SMARCC1: variants seen among roughly 807,000 people sequenced by gnomAD.
The protein encoded by SMARCC1 is SWI/SNF related BAF chromatin remodeling complex subunit C1.
SMARCC1 carries 43 observed loss-of-function variants against 147.4 expected under a neutral mutation model. The ratio of observed to expected loss-of-function variants is 0.29; its 90% CI spans 0.23 to 0.38. The LOEUF (loss-of-function observed/expected upper bound fraction) is 0.38, where lower values mean the gene tolerates loss of function less well. Ranked by LOEUF, SMARCC1 falls within the 10% of genes least tolerant of loss-of-function variation. SMARCC1 has a pLI of 1.00. For synonymous variants in SMARCC1, 495 were observed against 484.4 expected (o/e 1.02, Z -0.29); for missense variants, 1,119 against 1,381.1 (o/e 0.81, Z 3.01).
rs747601090 is a variant in SMARCC1, at chr3:47,610,241, C to T, written c.2868G>A (p.Gln956=). 1 of 1,614,086 alleles carries T rather than the reference C, an allele frequency of 6.2e-7. No individual in the cohort carries two copies. Among genetic ancestry groups the T allele is most frequent in the Non-Finnish European group, 8.5e-7 (1 of 1,180,050 alleles). Residue 956 remains glutamine (Q), a synonymous_variant, in exon 26 of 28, where the codon CAG becomes CAA. Transcript: ENST00000254480. ...QLKYAELRAR[Q]QMEQQQHGQN... is the part of the protein sequence containing the mutation. The stretch of plus-strand genomic sequence containing the variant: ...GGCCATGCTGCTGCTGTTCCATTTG[C>T]TGTCGTGCTCGTAATTCAGCATACT...
At chr3:47,751,846 G>C (rs1188187143) in intron 2 of SMARCC1, among the ~76,000 whole-genome samples, 1 of 152,098 alleles carries the variant, frequency 6.6e-6, no homozygotes, top group East Asian at 1.9e-4. Context: ...CACTTTGGGA[G>C]GCAGAGGAGG....
intron 5 of SMARCC1, among the ~76,000 whole-genome samples, chr3:47,730,781 C>T (rs1409984401): frequency 1.3e-5 from 2 of 151,602 alleles, no homozygotes; most frequent in Non-Finnish European, 2.9e-5. Flanking sequence ...CAGGAGAATC[C>T]CTTGAACCCC....
intron 21 of SMARCC1, among the ~76,000 whole-genome samples, chr3:47,641,896 TGA>T (rs1359129403): frequency 1.3e-5 from 2 of 152,108 alleles, no homozygotes; most frequent in African/African-American, 4.8e-5. Context: ...CTCAGCCTCT[TGA>T]GTAGCTGGGA....
intron 2 of SMARCC1, chr3:47,746,224 G>T: frequency 5.6e-6 from 2 of 357,158 alleles, no homozygotes; most frequent in South Asian, 5.7e-5. Flanking sequence ...TGAAACAGGA[G>T]GATCACTTAA....
chr3:47,598,674 A>T (rs1348060951), intron 26 of SMARCC1, among the ~76,000 whole-genome samples: 4 of 151,978 alleles, frequency 2.6e-5, no homozygotes, highest in African/African-American at 9.7e-5. Context: ...TACTAAAAAT[A>T]TAAAAATCAG....
At chr3:47,663,910 C>A in intron 19 of SMARCC1, 1 of 1,466,942 alleles carries the variant, frequency 6.8e-7, no homozygotes, top group Non-Finnish European at 9.5e-7. Flanking sequence ...GTCTAGCTGT[C>A]ACCGCTATGA....
intron 3 of SMARCC1, among the ~76,000 whole-genome samples, chr3:47,740,413 TCTCAAA>T (rs1344799193): frequency 6.6e-6 from 1 of 151,274 alleles, no homozygotes; most frequent in Non-Finnish European, 1.5e-5. Flanking sequence ...GCAGGGCTGA[TCTCAAA>T]CTCCTGACCT....
Position 47,706,466 on chromosome 3 carries a change from G to T in SMARCC1, c.983C>A (p.Ser328Ter), listed in dbSNP as rs747624937. 1 of 1,579,522 alleles carries T rather than the reference G, an allele frequency of 6.3e-7. No individual in the cohort carries two copies. The highest frequency in any genetic ancestry group is 8.6e-7 in the Non-Finnish European group (1 of 1,166,456). Reference protein sequence around the residue: ...ASANARKRKHSPSPPPPTPTE... With the variant: ...ASANARKRKH ...TGGTGTCGGAGGGGGAGGCGAAGGC[G>T]AATGTTTCCTCTTTCGAGCATTAGC... The change falls in exon 10 of 28, where the codon TCG (serine) becomes TAG (stop). Residue 328 changes from serine to a stop codon, truncating the protein, a stop_gained. Coordinates refer to ENST00000254480, the MANE Select transcript of SMARCC1 (RefSeq NM_003074.4). LOFTEE classifies it high-confidence loss of function.
intron 1 of SMARCC1, among the ~76,000 whole-genome samples, chr3:47,778,132 G>C (rs2034997246): frequency 1.4e-5 from 2 of 147,488 alleles, no homozygotes; most frequent in South Asian, 4.2e-4. Flanking sequence ...ACTTCAACTT[G>C]GGAGGCCGAG....
intron 2 of SMARCC1, among the ~76,000 whole-genome samples, chr3:47,759,125 C>A (rs2034740416): frequency 6.6e-6 from 1 of 152,024 alleles, no homozygotes; most frequent in Non-Finnish European, 1.5e-5. Flanking sequence ...AATCCTCCCA[C>A]CTCAGCCTCC....
At chr3:47,605,457 G>C (rs2106661785) in intron 26 of SMARCC1, among the ~76,000 whole-genome samples, 1 of 152,314 alleles carries the variant, frequency 6.6e-6, no homozygotes, top group East Asian at 1.9e-4. Context: ...ACACATCTCA[G>C]ATATACAGTG....
Position 47,781,681 on chromosome 3 carries a change from G to T in SMARCC1, c.117C>A (p.Ala39=). The part of the protein sequence containing the change: ...AVYRRKDGGP[A]TKFWESPETV... The stretch of plus-strand genomic sequence containing the variant: ...TCTCCGGGCTCTCCCAAAACTTGGT[G>T]GCCGGGCCCCCATCCTTCCGTCGAT... Residue 39 remains alanine (A), a synonymous_variant, in exon 1 of 28, where the codon GCC becomes GCA. Coordinates refer to ENST00000254480, the MANE Select transcript of SMARCC1 (RefSeq NM_003074.4). The T allele has an allele frequency of 6.4e-7, 1 of 1,562,002 alleles. No homozygotes were observed. The highest frequency in any genetic ancestry group is 8.6e-7 in the Non-Finnish European group (1 of 1,157,934).
Position 47,686,083 on chromosome 3 carries a change from T to C in SMARCC1, c.1351A>G (p.Ile451Val). Residue 451 changes from isoleucine to valine, a missense_variant, in exon 14 of 28, where the codon ATT becomes GTT. Around this residue, in one of 6 missense-constraint regions of SMARCC1, gnomAD observed 542 missense variants for 611.8 expected, o/e 0.89. Transcript: ENST00000254480. ...TCAAACCATGATGCATAACTAGGAA[T>C]AATAATGTGATTGGTCTGCTCTGTC... Reference protein sequence around the residue: ...NVTEQTNHIIIPSYASWFDYN... With the variant: ...NVTEQTNHIIVPSYASWFDYN... 1 of 1,612,974 alleles carries C rather than the reference T, an allele frequency of 6.2e-7. No individual in the cohort carries two copies. Among genetic ancestry groups the C allele is most frequent in the Non-Finnish European group, 8.5e-7 (1 of 1,178,992 alleles).
At chr3:47,633,825 T>G (rs1430334677) in intron 24 of SMARCC1, among the ~76,000 whole-genome samples, 1 of 105,292 alleles carries the variant, frequency 9.5e-6, no homozygotes, top group African/African-American at 3.6e-5. Flanking sequence ...CACATATATA[T>G]AAAATGTGAG....
At chr3:47,651,140 A>G (rs549561879) in intron 21 of SMARCC1, among the ~76,000 whole-genome samples, 2 of 152,116 alleles carry the variant, frequency 1.3e-5, no homozygotes, top group Non-Finnish European at 1.5e-5. Context: ...CCCTGCCTCT[A>G]TAAAAAACAC....
intron 7 of SMARCC1, among the ~76,000 whole-genome samples, chr3:47,716,309 T>G (rs1344694071): frequency 6.7e-6 from 1 of 150,190 alleles, no homozygotes; most frequent in Non-Finnish European, 1.5e-5. Flanking sequence ...TCTCAGCTAC[T>G]TGGGAGGCTG....
intron 3 of SMARCC1, among the ~76,000 whole-genome samples, chr3:47,740,405 A>G (rs1576427618): frequency 6.6e-6 from 1 of 151,360 alleles, no homozygotes; most frequent in Admixed American, 6.6e-5. Flanking sequence ...TCATATTGGC[A>G]GGGCTGATCT....
chr3:47,689,338 C>T (rs1214033550), intron 13 of SMARCC1, 49 bp downstream of exon 13: 2 of 1,469,248 alleles, frequency 1.4e-6, no homozygotes, highest in Admixed American at 1.7e-5. Context: ...GTTCGGTACA[C>T]AGGACCCTTA....
At position 47,638,733 on chromosome 3, in the gene SMARCC1, G is replaced by T; in HGVS notation, c.2368C>A (p.Pro790Thr). Residue 790 changes from proline (P) to threonine (T), a missense_variant, in exon 22 of 28, where the codon CCT (proline) becomes ACT (threonine). This residue lies in a region of SMARCC1 where 157 missense variants were observed against 158.6 expected (regional missense o/e 0.99). Coordinates refer to ENST00000254480, the MANE Select transcript of SMARCC1 (RefSeq NM_003074.4). The stretch of plus-strand genomic sequence containing the variant: ...CTGCTGTGAGACTTTACCTTTTCAG[G>T]CTGCTGACCATCAGGGTCGGCTTCC... Reference protein sequence around the residue: ...KMEADPDGQQPEKAENKVENE... With the variant: ...KMEADPDGQQTEKAENKVENE... The T allele has an allele frequency of 6.2e-7, 1 of 1,612,854 alleles. No individual in the cohort carries two copies. Among genetic ancestry groups the T allele is most frequent in the Non-Finnish European group, 8.5e-7 (1 of 1,178,874 alleles).
Sources: allele counts gnomAD v4.1 joint callset (sites outside exome capture counted in the v4.1 genomes callset), GRCh38; gene constraint gnomAD v4.1.1; regional missense constraint gnomAD v4.1.1; transcripts MANE v1.5; gene names NCBI Gene and HGNC (gene_info 2026-07-23, HGNC 2026-07-21).